Variants in PIAS1 observed in about 807,000 individuals in gnomAD.
PIAS1 encodes the protein E3 SUMO-protein ligase PIAS1.
In PIAS1, 6 loss-of-function variants were observed where a neutral mutation model predicts 71.3. That is an observed-to-expected ratio of 0.08 (90% CI 0.05 to 0.17). The LOEUF (loss-of-function observed/expected upper bound fraction) is 0.17, where lower values mean the gene tolerates loss of function less well. Among genes scored for constraint, PIAS1 ranks in the 10% least tolerant of loss-of-function variants. The pLI, the probability that PIAS1 is intolerant of heterozygous loss-of-function variation, is 1.00. For missense variants in PIAS1, 555 were observed against 793.6 expected (o/e 0.70, Z 3.61); for synonymous variants, 303 against 292.9 (o/e 1.03, Z -0.35).
At position 68,182,204 on chromosome 15, in the gene PIAS1, C is replaced by T. The variant is rs993032073; in HGVS notation, c.1624+850C>T. Reference sequence around the variant, plus strand: ...AAAAGCTGTTTGAAATGTCAGTATACTCATTTATATATTTTGAGTTCATAA... The same window carrying T: ...AAAAGCTGTTTGAAATGTCAGTATATTCATTTATATATTTTGAGTTCATAA... On this transcript the variant is annotated intron_variant, in intron 12 of 13. Coordinates refer to ENST00000249636, the MANE Select transcript of PIAS1 (RefSeq NM_016166.3). Among the ~76,000 whole-genome samples the T allele has an allele frequency of 3.3e-5, 5 of 151,694 alleles. No homozygotes were observed. In the East Asian group the frequency reaches 5.8e-4, roughly 18 times the overall value.
At chr15:68,139,019 G>GT (rs2092752748) in intron 2 of PIAS1, among the ~76,000 whole-genome samples, 1 of 152,158 alleles carries the variant, frequency 6.6e-6, no homozygotes, top group Admixed American at 6.6e-5. Flanking sequence ...CAGTATAGTG[G>GT]TAAGGAGAAA....
At position 68,077,552 on chromosome 15, in the gene PIAS1, G is replaced by A. The variant is rs563664783; in HGVS notation, c.25-8754G>A. 1.5e-3 allele frequency among the ~76,000 whole-genome samples: 226 copies of A among 152,334 alleles called. 4 individuals are homozygous for A. Among genetic ancestry groups the A allele is most frequent in the African/African-American group, 5.2e-3 (215 of 41,578 alleles). Reference sequence around the variant, plus strand: ...TTCGCTAATGTGGGCAGCTTTTAAAGGTTGTGAACTCTTAGAAGTGTTTTA... The same window carrying A: ...TTCGCTAATGTGGGCAGCTTTTAAAAGTTGTGAACTCTTAGAAGTGTTTTA... On this transcript the variant is annotated intron_variant, in intron 1 of 13. Transcript: ENST00000249636.
chr15:68,079,958 G>C (rs1050130703), intron 1 of PIAS1, among the ~76,000 whole-genome samples: 2 of 151,944 alleles, frequency 1.3e-5, no homozygotes, highest in Non-Finnish European at 2.9e-5. Flanking sequence ...TCAGCCTCCC[G>C]AGTAGCTAGG....
chr15:68,176,332 A>T, intron 10 of PIAS1, 142 bp from the exon 11 acceptor site: 1 of 440,804 alleles, frequency 2.3e-6, no homozygotes, highest in South Asian at 7.9e-5. Context: ...AACTTAGAAG[A>T]ACAGAGCCAC....
intron 1 of PIAS1, among the ~76,000 whole-genome samples, chr15:68,072,858 C>T (rs1281457512): frequency 2.0e-5 from 3 of 152,094 alleles, no homozygotes; most frequent in African/African-American, 7.2e-5. Context: ...TTTACAACTT[C>T]TCATTCTTTG....
chr15:68,076,234 G>T (rs2092162324), intron 1 of PIAS1, among the ~76,000 whole-genome samples: 1 of 152,144 alleles, frequency 6.6e-6, no homozygotes, highest in Admixed American at 6.6e-5. Flanking sequence ...AATCAGGCTG[G>T]GCGCGGTGGC....
chr15:68,175,554 A>G, intron 9 of PIAS1, 83 bp from the exon 10 acceptor site: 1 of 649,080 alleles, frequency 1.5e-6, no homozygotes, highest in Non-Finnish European at 2.2e-6. Context: ...TTAGTACTAG[A>G]TTTTAAGAAT....
At chr15:68,083,852 C>G (rs951641746) in intron 1 of PIAS1, among the ~76,000 whole-genome samples, 2 of 151,426 alleles carry the variant, frequency 1.3e-5, no homozygotes, top group African/African-American at 4.8e-5. Context: ...GGCAACATAG[C>G]AAGACCCTAT....
intron 1 of PIAS1, among the ~76,000 whole-genome samples, chr15:68,084,527 G>A (rs2092260829): frequency 6.6e-6 from 1 of 152,042 alleles, no homozygotes; most frequent in Non-Finnish European, 1.5e-5. Context: ...CTAAGATTTG[G>A]GTGGAATTTG....
chr15:68,190,031 T>C lies in PIAS1; in HGVS notation c.*2196T>C, dbSNP rs574978172. 10 of 152,334 alleles carry C rather than the reference T, an allele frequency of 6.6e-5. No homozygotes were observed. Among genetic ancestry groups the C allele is most frequent in the African/African-American group, 2.2e-4 (9 of 41,586 alleles). The allele number at this position is 152,334 out of a possible 1,614,324, so 9.4% of individuals were successfully genotyped here. ...TTTCTTCCTGTTTTTTTATGTGTCA[T>C]TGTTAGTGGTCTCAGAATTCTGATC... On this transcript the variant is annotated 3_prime_UTR_variant, in exon 14 of 14. Coordinates refer to ENST00000249636, the MANE Select transcript of PIAS1 (RefSeq NM_016166.3). The surrounding 1 kb of genome is among the most constrained non-coding windows in gnomAD (Gnocchi z 4.7).
intron 2 of PIAS1, among the ~76,000 whole-genome samples, chr15:68,126,798 A>G (rs1487806003): frequency 6.7e-6 from 1 of 148,534 alleles, no homozygotes; most frequent in Admixed American, 6.7e-5. Context: ...AATTTATCTA[A>G]TTGTTGCATA....
intron 2 of PIAS1, among the ~76,000 whole-genome samples, chr15:68,097,145 A>G (rs73423752): frequency 0.053 from 8,059 of 152,200 alleles, 681 homozygotes; most frequent in African/African-American, 0.18. Flanking sequence ...TCTTTTCTAC[A>G]TCCATTCAGA....
chr15:68,088,176 G>GTGTATATATATATATATATATATATATA (rs150997979), intron 2 of PIAS1, among the ~76,000 whole-genome samples: 27 of 72,980 alleles, frequency 3.7e-4, no homozygotes, highest in Admixed American at 4.4e-4. Flanking sequence ...TTATGTGTGT[G>GTGTATATATATATATATATATATATATA]TATATATATA....
intron 8 of PIAS1, among the ~76,000 whole-genome samples, chr15:68,169,310 AT>A (rs1481171568): frequency 6.6e-6 from 1 of 152,210 alleles, no homozygotes; most frequent in African/African-American, 2.4e-5. Context: ...ATCTTGCCTA[AT>A]GGTAATTTTT....
intron 2 of PIAS1, among the ~76,000 whole-genome samples, chr15:68,100,858 G>A (rs1232402967): frequency 1.3e-5 from 2 of 151,150 alleles, no homozygotes; most frequent in East Asian, 1.9e-4. Flanking sequence ...TTTGATAGGA[G>A]TATAGTGATA....
At chr15:68,107,259 T>A (rs1472905029) in intron 2 of PIAS1, among the ~76,000 whole-genome samples, 1 of 152,214 alleles carries the variant, frequency 6.6e-6, no homozygotes, top group Non-Finnish European at 1.5e-5. Flanking sequence ...CTTACAGCTG[T>A]TTTCACTCTG....
intron 7 of PIAS1, among the ~76,000 whole-genome samples, chr15:68,157,338 CTT>C (rs147190446): frequency 6.6e-6 from 1 of 152,154 alleles, no homozygotes; most frequent in South Asian, 2.1e-4. Context: ...TGTCAAGACT[CTT>C]TTATCTTTTA....
At chr15:68,117,870 G>A (rs528238678) in intron 2 of PIAS1, among the ~76,000 whole-genome samples, 1 of 152,286 alleles carries the variant, frequency 6.6e-6, no homozygotes, top group African/African-American at 2.4e-5. Flanking sequence ...TGTATATCCA[G>A]TAGTGGGATT....
intron 2 of PIAS1, among the ~76,000 whole-genome samples, chr15:68,121,573 C>G (rs1036321055): frequency 4.6e-5 from 7 of 151,890 alleles, no homozygotes; most frequent in Non-Finnish European, 8.8e-5. Flanking sequence ...TTCTGGCCAC[C>G]TCTTATCTTA....
Sources: allele counts gnomAD v4.1 joint callset (sites outside exome capture counted in the v4.1 genomes callset), GRCh38; gene constraint gnomAD v4.1.1; non-coding constraint Gnocchi (gnomAD v3.1); transcripts MANE v1.5; gene names NCBI Gene and HGNC (gene_info 2026-07-23, HGNC 2026-07-21).